Variants in GYG1 observed in about 807,000 individuals in gnomAD.
The protein encoded by GYG1 is glycogenin-1.
Under a neutral mutation model 41.9 loss-of-function variants are expected in GYG1, and 44 were observed. The ratio of observed to expected loss-of-function variants is 1.05; its 90% confidence interval spans 0.83 to 1.35. The LOEUF (loss-of-function observed/expected upper bound fraction) is 1.35. Among genes scored for constraint, GYG1 ranks in the 40% most tolerant of loss-of-function variants. The probability of loss-of-function intolerance (pLI) is 0.00; values close to 1 mark genes in which losing one functional copy is unlikely to be tolerated. For missense variants in GYG1, 429 were observed against 418.9 expected (o/e 1.02, Z -0.21); for synonymous variants, 141 against 158.1 (o/e 0.89, Z 0.81).
chr3:148,991,702 C>A, intron 1 of GYG1, 55 bp downstream of exon 1: 1 of 1,339,640 alleles, frequency 7.5e-7, no homozygotes, highest in African/African-American at 1.5e-5. Flanking sequence ...TCCTGCCCAG[C>A]CGCCGCCTCC....
intron 4 of GYG1, among the ~76,000 whole-genome samples, chr3:149,004,944 G>A (rs1713307777): frequency 6.6e-6 from 1 of 152,204 alleles, no homozygotes; most frequent in African/African-American, 2.4e-5. Flanking sequence ...GACTTTGAGG[G>A]ATCAGCAGCT....
intron 5 of GYG1, among the ~76,000 whole-genome samples, chr3:149,019,666 C>T (rs1461868894): frequency 6.6e-6 from 1 of 152,178 alleles, no homozygotes; most frequent in South Asian, 2.1e-4. Flanking sequence ...GGATCCTTCC[C>T]CTGACTACAG....
intron 5 of GYG1, among the ~76,000 whole-genome samples, chr3:149,009,716 T>C (rs1713613682): frequency 6.6e-6 from 1 of 152,196 alleles, no homozygotes. Context: ...ACTTACAACT[T>C]GGAGGAGCTG....
chr3:149,002,647 G>A (rs1713158029), intron 4 of GYG1, among the ~76,000 whole-genome samples: 1 of 152,160 alleles, frequency 6.6e-6, no homozygotes. Context: ...GCTTTCATAA[G>A]CTGTAATTTA....
At chr3:149,008,177 G>A (rs1180325218) in intron 4 of GYG1, 2 of 152,188 alleles carry the variant, frequency 1.3e-5, no homozygotes, top group Admixed American at 6.5e-5. Context: ...AACAGTTGTG[G>A]GCCCTGGAAA....
At chr3:148,992,933 TC>T (rs991793931) in intron 1 of GYG1, among the ~76,000 whole-genome samples, 13 of 151,308 alleles carry the variant, frequency 8.6e-5, no homozygotes, top group Middle Eastern at 3.4e-3. Flanking sequence ...ACCCACAACT[TC>T]CTCTCATGTC....
intron 1 of GYG1, among the ~76,000 whole-genome samples, chr3:148,992,205 C>T (rs1712527139): frequency 6.6e-6 from 1 of 152,278 alleles, no homozygotes. Context: ...GGACTAGCGT[C>T]CCCGGGCGCG....
At chr3:148,991,937 G>C (rs1415798262) in intron 1 of GYG1, among the ~76,000 whole-genome samples, 1 of 152,164 alleles carries the variant, frequency 6.6e-6, no homozygotes, top group Non-Finnish European at 1.5e-5. Context: ...CGAAGGGCCG[G>C]CGGGCGGAGC....
At chr3:149,016,118 G>A (rs1219213377) in intron 5 of GYG1, among the ~76,000 whole-genome samples, 2 of 151,932 alleles carry the variant, frequency 1.3e-5, no homozygotes, top group African/African-American at 2.4e-5. Flanking sequence ...AAAATTAGCT[G>A]GGTGTGGTGG....
chr3:148,991,977 A>T (rs1359528407), intron 1 of GYG1, among the ~76,000 whole-genome samples: 1 of 151,366 alleles, frequency 6.6e-6, no homozygotes, highest in African/African-American at 2.4e-5. Flanking sequence ...GGGGGTGGGG[A>T]GCCGGTTCCC....
At chr3:148,993,805 T>C (rs535527596) in intron 1 of GYG1, among the ~76,000 whole-genome samples, 29 of 152,348 alleles carry the variant, frequency 1.9e-4, no homozygotes, top group Admixed American at 6.5e-4. Context: ...AAACAGCAAA[T>C]GTACTACTTG....
rs542123045 is a variant in GYG1 at position 149,026,889 on chromosome 3, T to A, written c.1009T>A (p.Ser337Thr). The A allele has an allele frequency of 2.1e-5, 34 of 1,613,874 alleles. No homozygotes were observed. Among genetic ancestry groups the A allele is most frequent in the South Asian group, 6.6e-5 (6 of 91,074 alleles). The stretch of plus-strand genomic sequence containing the variant: ...CCAGGCTGATTATATGGGAGCAGAT[T>A]CCTTTGACAACATCAAGAGGAAACT... Reference protein sequence around the residue: ...QGQADYMGADSFDNIKRKLDT... With the variant: ...QGQADYMGADTFDNIKRKLDT... The change falls in exon 8 of 8, where the codon TCC becomes ACC. Residue 337 changes from serine to threonine, a missense_variant. Ser to Thr is a moderately conservative substitution (Grantham distance 58, BLOSUM62 1). Coordinates refer to ENST00000345003, the MANE Select transcript of GYG1 (RefSeq NM_004130.4).
At chr3:149,000,503 C>T (rs901407256) in intron 4 of GYG1, among the ~76,000 whole-genome samples, 1 of 152,208 alleles carries the variant, frequency 6.6e-6, no homozygotes, top group Non-Finnish European at 1.5e-5. Context: ...TTTGCTTCTG[C>T]CACATCGGTG....
At chr3:148,993,101 A>G (rs559875902) in intron 1 of GYG1, among the ~76,000 whole-genome samples, 5 of 152,174 alleles carry the variant, frequency 3.3e-5, no homozygotes, top group African/African-American at 1.2e-4. Context: ...GAAGTGTCCT[A>G]TGCATTTGGA....
chr3:149,017,334 C>T lies in GYG1; in HGVS notation c.609-6719C>T, dbSNP rs556803124. 8.0e-4 allele frequency among the ~76,000 whole-genome samples: 122 copies of T among 151,678 alleles called. 1 individual carries two copies. The highest frequency in any genetic ancestry group is 1.5e-3 in the Non-Finnish European group (99 of 67,960). ...GAGATGTATGCAAGCTGAGACAAATCCCCATTACTGGGTCAGAATGAATGG... is the reference window on the plus strand; with the variant it reads ...GAGATGTATGCAAGCTGAGACAAATTCCCATTACTGGGTCAGAATGAATGG... On this transcript the variant is annotated intron_variant, in intron 5 of 7. Coordinates refer to ENST00000345003, the MANE Select transcript of GYG1 (RefSeq NM_004130.4).
At chr3:149,017,582 GTTTTTTTTTTTTTTTTTTTT>G (rs58075146) in intron 5 of GYG1, among the ~76,000 whole-genome samples, 1 of 47,330 alleles carries the variant, frequency 2.1e-5, no homozygotes, top group African/African-American at 5.5e-5. Context: ...TTTTATTTAG[GTTTTTTTTTTTTTTTTTTTT>G]TTTTTTTTTT....
Position 149,027,648 on chromosome 3 carries a change from T to G in GYG1, c.*715T>G, listed in dbSNP as rs574568513. 1.3e-5 allele frequency: 2 copies of G among 152,410 alleles called. No homozygotes were observed. The highest frequency in any genetic ancestry group is 1.5e-5 in the Non-Finnish European group (1 of 68,052). 9.4% of individuals were successfully genotyped at this position (152,410 alleles called of 1,614,324 possible). On this transcript the variant is annotated 3_prime_UTR_variant, in exon 8 of 8. Transcript: ENST00000345003. ...TATTGCTGTATCTTGGTTGTTTAATTAAATTAAGGAATTTCACCATACACC... is the reference window on the plus strand; with the variant it reads ...TATTGCTGTATCTTGGTTGTTTAATGAAATTAAGGAATTTCACCATACACC...
At chr3:149,016,411 G>A (rs1211518298) in intron 5 of GYG1, among the ~76,000 whole-genome samples, 1 of 152,114 alleles carries the variant, frequency 6.6e-6, no homozygotes, top group Non-Finnish European at 1.5e-5. Context: ...TCAGCCAATA[G>A]AGGCTAAGAA....
chr3:149,023,688 G>T (rs1019229747), intron 5 of GYG1, among the ~76,000 whole-genome samples: 1 of 152,154 alleles, frequency 6.6e-6, no homozygotes, highest in African/African-American at 2.4e-5. Context: ...AACTCAGTTT[G>T]ATTTTGAACC....
Sources: gnomAD v4.1 joint callset for allele counts (sites outside exome capture counted in the v4.1 genomes callset) on GRCh38, gnomAD v4.1.1 for gene constraint, MANE v1.5 for transcripts, NCBI Gene and HGNC (gene_info 2026-07-23, HGNC 2026-07-21) for gene names.